Variants in LSAMP observed in about 807,000 individuals in gnomAD.
LSAMP encodes limbic system associated membrane protein, also known as limbic system-associated membrane protein.
Under a neutral mutation model 38.6 loss-of-function variants are expected in LSAMP, and 7 were observed. The ratio of observed to expected loss-of-function variants is 0.18; its 90% confidence interval spans 0.10 to 0.34. The LOEUF (loss-of-function observed/expected upper bound fraction) is 0.34, where lower values mean the gene tolerates loss of function less well. Ranked by LOEUF, LSAMP falls within the 10% of genes least tolerant of loss-of-function variation. The pLI, the probability that LSAMP is intolerant of heterozygous loss-of-function variation, is 1.00. For synonymous variants in LSAMP, 154 were observed against 166.8 expected (o/e 0.92, Z 0.59); for missense variants, 313 against 420.0 (o/e 0.75, Z 2.23).
At chr3:116,001,918 G>A (rs1179996973) in intron 3 of LSAMP, among the ~76,000 whole-genome samples, 1 of 152,088 alleles carries the variant, frequency 6.6e-6, no homozygotes, top group Non-Finnish European at 1.5e-5. Context: ...CATATTCACA[G>A]GTTTCAGAGG....
At chr3:116,069,565 A>C (rs1316523425) in intron 2 of LSAMP, among the ~76,000 whole-genome samples, 1 of 152,184 alleles carries the variant, frequency 6.6e-6, no homozygotes, top group African/African-American at 2.4e-5. Context: ...CTCAGAAAAA[A>C]AAAAATGTGG....
intron 3 of LSAMP, among the ~76,000 whole-genome samples, chr3:115,881,221 C>T (rs1409465530): frequency 6.6e-6 from 1 of 152,038 alleles, no homozygotes; most frequent in Non-Finnish European, 1.5e-5. Flanking sequence ...TGGCATGTGA[C>T]CATGTTCATG....
At chr3:116,388,247 G>T (rs2048649457) in intron 1 of LSAMP, among the ~76,000 whole-genome samples, 1 of 152,142 alleles carries the variant, frequency 6.6e-6, no homozygotes, top group African/African-American at 2.4e-5. Flanking sequence ...TGCATACATT[G>T]ACCCTATTTT....
At chr3:116,045,952 G>C (rs1256940099) in intron 2 of LSAMP, among the ~76,000 whole-genome samples, 2 of 152,086 alleles carry the variant, frequency 1.3e-5, no homozygotes. Flanking sequence ...TCAGAGTCCA[G>C]GTCTGCCTAA....
At chr3:116,093,490 A>G (rs1463763314) in intron 1 of LSAMP, among the ~76,000 whole-genome samples, 1 of 152,222 alleles carries the variant, frequency 6.6e-6, no homozygotes, top group African/African-American at 2.4e-5. Context: ...TGTCAGCAGC[A>G]AAGTTCATGA....
intron 1 of LSAMP, among the ~76,000 whole-genome samples, chr3:116,212,391 G>A (rs1278281928): frequency 6.6e-6 from 1 of 152,050 alleles, no homozygotes; most frequent in Non-Finnish European, 1.5e-5. Flanking sequence ...AGATTAAGTG[G>A]AAAAGCCAGT....
At chr3:115,957,918 G>C (rs1291679922) in intron 3 of LSAMP, among the ~76,000 whole-genome samples, 1 of 152,018 alleles carries the variant, frequency 6.6e-6, no homozygotes, top group Non-Finnish European at 1.5e-5. Flanking sequence ...ACATTTCTAG[G>C]TGTTTGCTGC....
intron 1 of LSAMP, among the ~76,000 whole-genome samples, chr3:116,099,850 G>A (rs1708304411): frequency 6.6e-6 from 1 of 151,924 alleles, no homozygotes; most frequent in Admixed American, 6.6e-5. Context: ...ATCTCACAGA[G>A]CACTCCTAAT....
At chr3:116,043,095 G>A (rs953447508) in intron 2 of LSAMP, among the ~76,000 whole-genome samples, 1 of 152,150 alleles carries the variant, frequency 6.6e-6, no homozygotes, top group Non-Finnish European at 1.5e-5. Context: ...TATTGGAAAC[G>A]AGTAGTATTC....
At chr3:116,051,842 G>A (rs1460608595) in intron 2 of LSAMP, among the ~76,000 whole-genome samples, 1 of 152,094 alleles carries the variant, frequency 6.6e-6, no homozygotes, top group African/African-American at 2.4e-5. Context: ...TGGGGAGGGG[G>A]TGATTTAATT....
chr3:116,033,249 A>AG (rs1412967077), intron 2 of LSAMP, among the ~76,000 whole-genome samples: 1 of 152,048 alleles, frequency 6.6e-6, no homozygotes, highest in African/African-American at 2.4e-5. Flanking sequence ...AAACTCAAGA[A>AG]GGGGGGCATG....
intron 1 of LSAMP, among the ~76,000 whole-genome samples, chr3:116,218,887 G>A (rs541955347): frequency 1.3e-5 from 2 of 152,068 alleles, no homozygotes; most frequent in African/African-American, 4.8e-5. Context: ...TTTTCTATTG[G>A]TAACAATGTA....
At chr3:116,235,630 T>C (rs1340155243) in intron 1 of LSAMP, among the ~76,000 whole-genome samples, 5 of 152,162 alleles carry the variant, frequency 3.3e-5, no homozygotes, top group Non-Finnish European at 4.4e-5. Flanking sequence ...ATAAATACCA[T>C]TGTCATTCAA....
intron 1 of LSAMP, among the ~76,000 whole-genome samples, chr3:116,173,206 A>C (rs1222967189): frequency 6.6e-6 from 1 of 152,048 alleles, no homozygotes; most frequent in Non-Finnish European, 1.5e-5. Flanking sequence ...TAAATGTTGG[A>C]TGAATAAGTG....
chr3:116,289,327 G>T (rs2047233035), intron 1 of LSAMP, among the ~76,000 whole-genome samples: 1 of 152,016 alleles, frequency 6.6e-6, no homozygotes, highest in South Asian at 2.1e-4. Context: ...ACATATGAAA[G>T]GCTCTGAAAA....
At chr3:116,180,187 C>T (rs2107567679) in intron 1 of LSAMP, among the ~76,000 whole-genome samples, 1 of 152,126 alleles carries the variant, frequency 6.6e-6, no homozygotes, top group Non-Finnish European at 1.5e-5. Flanking sequence ...TATATCCGTG[C>T]ATTACATGAA....
At chr3:116,242,683 T>C (rs75978677) in intron 1 of LSAMP, among the ~76,000 whole-genome samples, 2,523 of 152,102 alleles carry the variant, frequency 0.017, 58 homozygotes, top group Non-Finnish European at 0.023. Context: ...CCACTTTCTT[T>C]CCCCTGATAA....
intron 2 of LSAMP, among the ~76,000 whole-genome samples, chr3:116,023,424 C>T (rs1418150928): frequency 2.0e-5 from 3 of 150,070 alleles, no homozygotes; most frequent in Non-Finnish European, 4.4e-5. Flanking sequence ...GAAACCCCAT[C>T]TCTACTAAAA....
At chr3:116,317,732 T>C (rs890806421) in intron 1 of LSAMP, among the ~76,000 whole-genome samples, 3 of 152,148 alleles carry the variant, frequency 2.0e-5, no homozygotes, top group African/African-American at 7.2e-5. Flanking sequence ...GATTTTTGTT[T>C]TTAATTAGTA....
Sources: gnomAD v4.1 joint callset for allele counts (sites outside exome capture counted in the v4.1 genomes callset) on GRCh38, gnomAD v4.1.1 for gene constraint, MANE v1.5 for transcripts, NCBI Gene and HGNC (gene_info 2026-07-23, HGNC 2026-07-21) for gene names.